Variants in ANKS1B observed in about 807,000 individuals in gnomAD.
ANKS1B encodes ankyrin repeat and sterile alpha motif domain-containing protein 1B.
A neutral mutation model predicts 148.3 loss-of-function variants in ANKS1B; 36 were observed. That is an observed-to-expected ratio of 0.24 (90% CI 0.19 to 0.32). ANKS1B has a LOEUF of 0.32. ANKS1B is among the 10% of genes least tolerant of loss of function. The probability of loss-of-function intolerance (pLI) is 1.00; values close to 1 mark genes in which losing one functional copy is unlikely to be tolerated. For synonymous variants in ANKS1B, 542 were observed against 560.8 expected (o/e 0.97, Z 0.47); for missense variants, 1,157 against 1,542.6 (o/e 0.75, Z 4.19).
intron 17 of ANKS1B, among the ~76,000 whole-genome samples, chr12:98,973,404 A>C (rs2099885307): frequency 6.6e-6 from 1 of 152,224 alleles, no homozygotes; most frequent in Admixed American, 6.5e-5. Context: ...GAAACTCACT[A>C]TAAACCAGTT....
chr12:99,304,923 AG>A (rs1448455703), intron 12 of ANKS1B, among the ~76,000 whole-genome samples: 2 of 152,126 alleles, frequency 1.3e-5, no homozygotes, highest in African/African-American at 4.8e-5. Flanking sequence ...ATTGCTATGA[AG>A]GAATACCTGA....
intron 17 of ANKS1B, among the ~76,000 whole-genome samples, chr12:99,051,111 A>C (rs965257630): frequency 3.3e-5 from 5 of 152,272 alleles, no homozygotes; most frequent in Admixed American, 1.3e-4. Context: ...TAGTCACTGC[A>C]GCTGTCTACA....
intron 19 of ANKS1B, among the ~76,000 whole-genome samples, chr12:98,808,608 C>T (rs970589862): frequency 1.3e-5 from 2 of 152,098 alleles, no homozygotes; most frequent in Non-Finnish European, 2.9e-5. Flanking sequence ...AATGATTCAG[C>T]TCCATAATTC....
At chr12:99,957,777 C>A (rs1361200597) in intron 1 of ANKS1B, among the ~76,000 whole-genome samples, 1 of 152,172 alleles carries the variant, frequency 6.6e-6, no homozygotes, top group African/African-American at 2.4e-5. Flanking sequence ...ACCAAGACTA[C>A]CTTCTCAGTC....
intron 17 of ANKS1B, among the ~76,000 whole-genome samples, chr12:98,964,365 C>T (rs2099875974): frequency 1.3e-5 from 2 of 152,180 alleles, no homozygotes; most frequent in Non-Finnish European, 2.9e-5. Context: ...TAAGTTGGTA[C>T]AACCACTATG....
chr12:99,500,150 G>C (rs1282959741), intron 10 of ANKS1B, among the ~76,000 whole-genome samples: 3 of 152,290 alleles, frequency 2.0e-5, no homozygotes, highest in African/African-American at 7.2e-5. Context: ...CCCTCTCTCT[G>C]TGCATGTACA....
chr12:99,416,388 G>A (rs938426329), intron 11 of ANKS1B, among the ~76,000 whole-genome samples: 2 of 152,148 alleles, frequency 1.3e-5, no homozygotes, highest in African/African-American at 4.8e-5. Context: ...AATGCTGGTT[G>A]GTATGGCAGT....
chr12:99,642,715 G>A (rs1284089139), intron 9 of ANKS1B, among the ~76,000 whole-genome samples: 1 of 152,178 alleles, frequency 6.6e-6, no homozygotes, highest in African/African-American at 2.4e-5. Flanking sequence ...TACTCAGGAG[G>A]CTGAGGCAGG....
rs1453880647 is a variant in ANKS1B, at chr12:98,915,555, G to A, written c.2779-83419C>T. Among the ~76,000 whole-genome samples, 3 of 152,064 alleles carry A rather than the reference G, an allele frequency of 2.0e-5. No homozygotes were observed. In the East Asian group the frequency reaches 5.8e-4, roughly 29 times the overall value. On this transcript the variant is annotated intron_variant, in intron 17 of 26. Coordinates refer to ENST00000683438, the MANE Select transcript of ANKS1B (RefSeq NM_001352186.2). ...TTTAGTAGGGACGGGCTTTCACCAT[G>A]CTGGCCAGGCTGATCTCGAACTCCT...
chr12:99,170,662 C>A (rs1017806919), intron 14 of ANKS1B, among the ~76,000 whole-genome samples: 2 of 152,040 alleles, frequency 1.3e-5, no homozygotes, highest in African/African-American at 4.8e-5. Flanking sequence ...TTCCAACAGA[C>A]AAAAATGCAT....
chr12:99,805,285 A>AAAAAC, intron 4 of ANKS1B, among the ~76,000 whole-genome samples: 1 of 149,198 alleles, frequency 6.7e-6, no homozygotes, highest in Non-Finnish European at 1.5e-5. Flanking sequence ...AAAAAAAAAA[A>AAAAAC]AAAGACTAAC....
chr12:99,156,909 T>C (rs1243951472), intron 14 of ANKS1B, among the ~76,000 whole-genome samples: 3 of 152,222 alleles, frequency 2.0e-5, no homozygotes, highest in African/African-American at 7.2e-5. Context: ...TACAAAAAAT[T>C]CTATTTTCAA....
intron 17 of ANKS1B, among the ~76,000 whole-genome samples, chr12:98,879,390 C>A (rs1193682868): frequency 6.6e-6 from 1 of 152,202 alleles, no homozygotes; most frequent in African/African-American, 2.4e-5. Context: ...CCCAAAAGCA[C>A]ACACAGCTAA....
At chr12:99,254,281 A>G (rs2074997996) in intron 12 of ANKS1B, among the ~76,000 whole-genome samples, 1 of 152,216 alleles carries the variant, frequency 6.6e-6, no homozygotes, top group Non-Finnish European at 1.5e-5. Context: ...ATCAAAGTGT[A>G]GTCCAGGGAT....
intron 9 of ANKS1B, among the ~76,000 whole-genome samples, chr12:99,591,601 C>T (rs904978967): frequency 3.3e-5 from 5 of 152,116 alleles, no homozygotes; most frequent in South Asian, 2.1e-4. Flanking sequence ...AGACCAGAAG[C>T]GGTCCCTGCC....
intron 12 of ANKS1B, among the ~76,000 whole-genome samples, chr12:99,336,684 C>T (rs909461463): frequency 2.0e-5 from 3 of 151,894 alleles, no homozygotes; most frequent in Admixed American, 6.6e-5. Flanking sequence ...TTTAGATGTA[C>T]GGATTTATTT....
At chr12:99,953,694 G>A (rs1182299850) in intron 1 of ANKS1B, among the ~76,000 whole-genome samples, 2 of 152,144 alleles carry the variant, frequency 1.3e-5, no homozygotes, top group East Asian at 3.8e-4. Context: ...GACTGGAGGA[G>A]AAAGGTAGGA....
rs1022213917 is a variant in ANKS1B at position 99,101,451 on chromosome 12, T to C, written c.2527-16428A>G. 3.3e-5 allele frequency among the ~76,000 whole-genome samples: 5 copies of C among 152,204 alleles called. No individual in the cohort carries two copies. In the East Asian group the frequency reaches 9.6e-4, roughly 29 times the overall value. ...ATTATTGATTAAATATAGGTATTGGTAGAAGACAAGTGTTAAGAATAACTG... is the reference window on the plus strand; with the variant it reads ...ATTATTGATTAAATATAGGTATTGGCAGAAGACAAGTGTTAAGAATAACTG... On this transcript the variant is annotated intron_variant, in intron 15 of 26. Coordinates refer to ENST00000683438, the MANE Select transcript of ANKS1B (RefSeq NM_001352186.2).
intron 12 of ANKS1B, among the ~76,000 whole-genome samples, chr12:99,338,535 G>T (rs1306270300): frequency 6.6e-6 from 1 of 152,148 alleles, no homozygotes. Flanking sequence ...GACCAAGCTG[G>T]TGCCCAAGCT....
Sources: gnomAD v4.1 joint callset for allele counts (sites outside exome capture counted in the v4.1 genomes callset) on GRCh38, gnomAD v4.1.1 for gene constraint, MANE v1.5 for transcripts, NCBI Gene and HGNC (gene_info 2026-07-23, HGNC 2026-07-21) for gene names.